Variants in MARCHF6 observed in about 807,000 individuals in gnomAD.
The protein encoded by MARCHF6 is membrane associated ring-CH-type finger 6, also known as E3 ubiquitin-protein ligase MARCHF6.
In MARCHF6, 31 loss-of-function variants were observed where a neutral mutation model predicts 133.7. The ratio of observed to expected loss-of-function variants is 0.23; its 90% confidence interval spans 0.17 to 0.31. The LOEUF (loss-of-function observed/expected upper bound fraction) is 0.31. Among genes scored for constraint, MARCHF6 ranks in the 10% least tolerant of loss-of-function variants. The probability of loss-of-function intolerance (pLI) is 1.00; values close to 1 mark genes in which losing one functional copy is unlikely to be tolerated. For missense variants in MARCHF6, 723 were observed against 1,121.6 expected (o/e 0.64, Z 5.08); for synonymous variants, 395 against 402.5 (o/e 0.98, Z 0.22).
chr5:10,426,362 G>T, intron 23 of MARCHF6, 28 bp from the exon 24 acceptor site: 1 of 1,610,392 alleles, frequency 6.2e-7, no homozygotes, highest in Non-Finnish European at 8.5e-7. Context: ...TTGTATCTTT[G>T]TTCTAATTGC....
At chr5:10,428,064 C>CA (rs1045520113) in intron 24 of MARCHF6, among the ~76,000 whole-genome samples, 77 of 144,744 alleles carry the variant, frequency 5.3e-4, no homozygotes, top group Middle Eastern at 7.1e-3. Context: ...GACCCTGTCT[C>CA]AAAAAAAAAA....
intron 17 of MARCHF6, among the ~76,000 whole-genome samples, chr5:10,408,814 C>T (rs1739059019): frequency 6.6e-6 from 1 of 152,186 alleles, no homozygotes; most frequent in Non-Finnish European, 1.5e-5. Context: ...GTTAGGATTA[C>T]AGGCATGAGC....
At chr5:10,389,888 A>T (rs1737717461) in intron 5 of MARCHF6, among the ~76,000 whole-genome samples, 1 of 152,080 alleles carries the variant, frequency 6.6e-6, no homozygotes, top group African/African-American at 2.4e-5. Flanking sequence ...GTTTTTAAAC[A>T]TGTGTAAAAT....
intron 1 of MARCHF6, among the ~76,000 whole-genome samples, chr5:10,366,025 T>G (rs1472129530): frequency 6.6e-6 from 1 of 152,134 alleles, no homozygotes; most frequent in Non-Finnish European, 1.5e-5. Flanking sequence ...CTCCGCCTCC[T>G]GGGTTGAAAT....
intron 1 of MARCHF6, among the ~76,000 whole-genome samples, chr5:10,374,293 T>A (rs1479787989): frequency 1.3e-5 from 2 of 152,218 alleles, no homozygotes; most frequent in African/African-American, 4.8e-5. Context: ...AATCCCACTT[T>A]CAATGTGGTG....
chr5:10,362,718 A>G (rs1327637680), intron 1 of MARCHF6, among the ~76,000 whole-genome samples: 1 of 152,218 alleles, frequency 6.6e-6, no homozygotes, highest in African/African-American at 2.4e-5. Flanking sequence ...AAAGGGATGA[A>G]TATTTTCAGA....
At chr5:10,403,598 AC>A in intron 15 of MARCHF6, 57 bp downstream of exon 15, 1 of 1,487,040 alleles carries the variant, frequency 6.7e-7, no homozygotes, top group Non-Finnish European at 9.1e-7. Context: ...TTTTGCTTTC[AC>A]CACCAGTCAT....
chr5:10,390,316 C>CT lies in MARCHF6; in HGVS notation c.408-6dup, dbSNP rs34125716. 2,941 of 1,394,052 alleles carry CT rather than the reference C, an allele frequency of 2.1e-3. No homozygotes were observed. Among genetic ancestry groups the CT allele is most frequent in the South Asian group, 3.5e-3 (269 of 77,968 alleles). 86.4% of individuals were successfully genotyped at this position (1,394,052 alleles called of 1,614,324 possible). Reference sequence around the variant, plus strand: ...GTCTTCTTTGGAGTAATTATATGTACTTTTTTTTTTAATAGGGAAAATTTG... The same window carrying CT: ...GTCTTCTTTGGAGTAATTATATGTACTTTTTTTTTTTAATAGGGAAAATTTG... On this transcript the variant is annotated splice_polypyrimidine_tract_variant and intron_variant, in intron 5 of 25. Transcript: ENST00000274140.
intron 23 of MARCHF6, among the ~76,000 whole-genome samples, chr5:10,424,468 A>G (rs868285523): frequency 3.9e-5 from 6 of 152,358 alleles, no homozygotes; most frequent in Middle Eastern, 3.4e-3. Flanking sequence ...TCCTGCATCT[A>G]TTCTTTCTCA....
chr5:10,368,544 A>G (rs1259123572), intron 1 of MARCHF6, among the ~76,000 whole-genome samples: 3 of 152,140 alleles, frequency 2.0e-5, no homozygotes, highest in African/African-American at 4.8e-5. Context: ...AGGCTGAGGC[A>G]GGAGGATCAC....
At chr5:10,365,713 A>C (rs887431184) in intron 1 of MARCHF6, among the ~76,000 whole-genome samples, 3 of 152,106 alleles carry the variant, frequency 2.0e-5, no homozygotes, top group African/African-American at 7.2e-5. Context: ...GCAGTTAAAC[A>C]TTTTTTTCTG....
At position 10,417,248 on chromosome 5, in the gene MARCHF6, GTGGGCTCC is replaced by G. The variant is rs1164564388; in HGVS notation, c.2149-19_2149-12del. The G allele has an allele frequency of 6.3e-7, 1 of 1,595,694 alleles. No individual in the cohort carries two copies. Among genetic ancestry groups the G allele is most frequent in the African/African-American group, 1.4e-5 (1 of 73,374 alleles). ...GCTCAGAAAGATCCTCTTTAATGATGTGGGCTCCTGTTTCCTAATAGATCATGAAGACT... is the reference window on the plus strand; with the variant it reads ...GCTCAGAAAGATCCTCTTTAATGATGTGTTTCCTAATAGATCATGAAGACT... On this transcript the variant is annotated splice_polypyrimidine_tract_variant and intron_variant, in intron 21 of 25. Coordinates refer to ENST00000274140, the MANE Select transcript of MARCHF6 (RefSeq NM_005885.4).
intron 1 of MARCHF6, 73 bp downstream of exon 1, chr5:10,353,990 G>T (rs1439626017): frequency 6.9e-7 from 1 of 1,444,728 alleles, no homozygotes; most frequent in African/African-American, 1.5e-5. Context: ...GGTCCGCGGC[G>T]CTCGAGGTGG....
At chr5:10,399,466 C>G (rs2567567) in intron 10 of MARCHF6, among the ~76,000 whole-genome samples, 33,258 of 151,804 alleles carry the variant, frequency 0.22, 5,356 homozygotes, top group East Asian at 0.67. Flanking sequence ...TGGTAATCTA[C>G]TGCGCTGTCG....
At chr5:10,417,518 G>T in intron 22 of MARCHF6, 114 bp downstream of exon 22, 1 of 1,360,128 alleles carries the variant, frequency 7.4e-7, no homozygotes, top group Non-Finnish European at 1.0e-6. Flanking sequence ...GGCTGAGGTG[G>T]GAGGACTGCT....
intron 6 of MARCHF6, 102 bp from the exon 7 acceptor site, chr5:10,391,440 T>G (rs928937719): frequency 7.7e-6 from 3 of 389,200 alleles, no homozygotes; most frequent in South Asian, 5.7e-5. Flanking sequence ...GCCTAGGTTT[T>G]TTTTTTTTTT....
At chr5:10,396,943 A>G (rs111427341) in intron 9 of MARCHF6, among the ~76,000 whole-genome samples, 1 of 152,312 alleles carries the variant, frequency 6.6e-6, no homozygotes, top group African/African-American at 2.4e-5. Flanking sequence ...TTGGCTTTCA[A>G]ATTTTTCTCC....
In MARCHF6 at chr5:10,436,229, G is replaced by A. The variant is rs181736107; in HGVS notation, c.*2545G>A. The A allele has an allele frequency of 6.6e-6, 1 of 151,998 alleles. No individual in the cohort carries two copies. The highest frequency in any genetic ancestry group is 1.5e-5 in the Non-Finnish European group (1 of 67,986). 9.4% of individuals were successfully genotyped at this position (151,998 alleles called of 1,614,324 possible). The stretch of plus-strand genomic sequence containing the variant: ...TGTTTTGTAAACAAACAATATGAAT[G>A]GCCAAAAAATTGCCCTCCATTTTAC... On this transcript the variant is annotated 3_prime_UTR_variant, in exon 26 of 26. Transcript: ENST00000274140.
intron 1 of MARCHF6, among the ~76,000 whole-genome samples, chr5:10,361,626 A>C (rs909592409): frequency 1.3e-5 from 2 of 152,210 alleles, no homozygotes; most frequent in African/African-American, 4.8e-5. Context: ...TTGTGTATAC[A>C]TGCAGGTTAG....
Sources: gnomAD v4.1 joint callset for allele counts (sites outside exome capture counted in the v4.1 genomes callset) on GRCh38, gnomAD v4.1.1 for gene constraint, MANE v1.5 for transcripts, NCBI Gene and HGNC (gene_info 2026-07-23, HGNC 2026-07-21) for gene names.